Variants in ATE1 observed in about 807,000 individuals in gnomAD.
The protein encoded by ATE1 is arginyl-tRNA--protein transferase 1.
ATE1 carries 36 observed loss-of-function variants against 70.5 expected under a neutral mutation model. That is an observed-to-expected ratio of 0.51 (90% CI 0.39 to 0.67). The LOEUF (loss-of-function observed/expected upper bound fraction) is 0.67, where lower values mean the gene tolerates loss of function less well. Ranked by LOEUF, ATE1 falls within the 30% of genes least tolerant of loss-of-function variation. The probability of loss-of-function intolerance (pLI) is 0.00; values close to 1 mark genes in which losing one functional copy is unlikely to be tolerated. For synonymous variants in ATE1, 232 were observed against 219.3 expected (o/e 1.06, Z -0.51); for missense variants, 593 against 629.5 (o/e 0.94, Z 0.62).
chr10:121,777,569 G>C (rs1590269941), intron 11 of ATE1, among the ~76,000 whole-genome samples: 1 of 152,296 alleles, frequency 6.6e-6, no homozygotes. Context: ...ACCAAATAGT[G>C]ATGCAGGGGG....
intron 7 of ATE1, among the ~76,000 whole-genome samples, chr10:121,881,943 G>A (rs563186660): frequency 3.6e-4 from 55 of 152,096 alleles, no homozygotes; most frequent in African/African-American, 1.0e-3. Context: ...ACAGGTGCAC[G>A]TCGCCAAACC....
chr10:121,845,537 A>G (rs974006176), intron 8 of ATE1, among the ~76,000 whole-genome samples: 6 of 152,194 alleles, frequency 3.9e-5, no homozygotes, highest in African/African-American at 1.4e-4. Flanking sequence ...CTGCTGACCT[A>G]AGCAACTCTG....
intron 11 of ATE1, among the ~76,000 whole-genome samples, chr10:121,757,867 C>T (rs1302944331): frequency 6.6e-6 from 1 of 152,182 alleles, no homozygotes; most frequent in Non-Finnish European, 1.5e-5. Context: ...CCATCATATT[C>T]CCTCATATTT....
At chr10:121,914,787 C>T (rs771896385) in intron 3 of ATE1, among the ~76,000 whole-genome samples, 1 of 152,102 alleles carries the variant, frequency 6.6e-6, no homozygotes, top group Non-Finnish European at 1.5e-5. Flanking sequence ...CTGAAAGCAG[C>T]GGTACTACTG....
At chr10:121,910,387 C>A (rs182347701) in intron 5 of ATE1, among the ~76,000 whole-genome samples, 1 of 151,962 alleles carries the variant, frequency 6.6e-6, no homozygotes, top group African/African-American at 2.4e-5. Context: ...ACTTATTAAG[C>A]CTAATTCTTT....
At chr10:121,881,669 TAAAAA>T (rs11309013) in intron 7 of ATE1, among the ~76,000 whole-genome samples, 1 of 125,604 alleles carries the variant, frequency 8.0e-6, no homozygotes, top group Admixed American at 8.2e-5. Flanking sequence ...TCCTGTCTCT[TAAAAA>T]AAAAAAAAAA....
rs956553228 is a variant in ATE1, at chr10:121,927,890, G to A, written c.60C>T (p.Phe20=). The part of the protein sequence containing the change: ...SVVDYFPSED[F]YRCGYCKNES... ...CGTTCTTGCAGTAGCCGCAGCGGTA[G>A]AAGTCCTCGCTAGGGAAATAGTCCA... Residue 20 remains phenylalanine, a synonymous_variant, in exon 1 of 12, where the codon TTC becomes TTT. Transcript: ENST00000224652. The A allele has an allele frequency of 2.0e-5, 32 of 1,593,072 alleles. No individual in the cohort carries two copies. The highest frequency in any genetic ancestry group is 2.6e-5 in the Non-Finnish European group (31 of 1,172,498).
chr10:121,799,443 A>C (rs1946789584), intron 10 of ATE1, among the ~76,000 whole-genome samples: 2 of 152,120 alleles, frequency 1.3e-5, no homozygotes, highest in Middle Eastern at 6.8e-3. Flanking sequence ...AGGAAAACAA[A>C]AAAAAAAACA....
chr10:121,902,821 T>C (rs1951034722), intron 5 of ATE1, among the ~76,000 whole-genome samples: 1 of 152,122 alleles, frequency 6.6e-6, no homozygotes. Flanking sequence ...CTAGAGAAAG[T>C]AAATAGCACA....
At chr10:121,858,612 C>T (rs961203093) in intron 8 of ATE1, among the ~76,000 whole-genome samples, 2 of 144,944 alleles carry the variant, frequency 1.4e-5, no homozygotes, top group Non-Finnish European at 3.0e-5. Context: ...AAAAGTTTAC[C>T]TACTTTTCCT....
At chr10:121,910,704 G>A (rs1951386750) in intron 5 of ATE1, among the ~76,000 whole-genome samples, 1 of 152,142 alleles carries the variant, frequency 6.6e-6, no homozygotes, top group Admixed American at 6.5e-5. Flanking sequence ...TAAGGCTATT[G>A]TTACAGGCTT....
At chr10:121,844,165 C>T (rs929555984) in intron 8 of ATE1, among the ~76,000 whole-genome samples, 7 of 152,120 alleles carry the variant, frequency 4.6e-5, no homozygotes, top group Non-Finnish European at 8.8e-5. Flanking sequence ...TTTGGGAGGC[C>T]GACGTGGGAG....
rs1944187979 is a variant in ATE1, at chr10:121,742,695, T to C, written c.*985A>G. 1 of 152,174 alleles carries C rather than the reference T, an allele frequency of 6.6e-6. No individual in the cohort carries two copies. Among genetic ancestry groups the C allele is most frequent in the African/African-American group, 2.4e-5 (1 of 41,436 alleles). 9.4% of individuals were successfully genotyped at this position (152,174 alleles called of 1,614,324 possible). A position where few individuals can be genotyped will look rare whatever the true frequency, so the allele number is the denominator to read the frequency against. On this transcript the variant is annotated 3_prime_UTR_variant, in exon 12 of 12. Coordinates refer to ENST00000224652, the MANE Select transcript of ATE1 (RefSeq NM_001001976.3). ...AGCCACCCTGACTGTGACTCTCAAA[T>C]CAAAGGACAAGAAATGGATTGTTCT...
chr10:121,837,758 T>C (rs1254836023), intron 9 of ATE1, among the ~76,000 whole-genome samples: 1 of 152,152 alleles, frequency 6.6e-6, no homozygotes, highest in Non-Finnish European at 1.5e-5. Context: ...GACTAAACAA[T>C]ATTAGCCTAT....
At chr10:121,907,472 TAAAGAA>T (rs1951243238) in intron 5 of ATE1, among the ~76,000 whole-genome samples, 1 of 132,124 alleles carries the variant, frequency 7.6e-6, no homozygotes, top group South Asian at 2.4e-4. Flanking sequence ...CAAAAAAAAA[TAAAGAA>T]AAAGATTAAA....
chr10:121,882,294 A>C (rs764020105), intron 7 of ATE1, among the ~76,000 whole-genome samples: 1 of 152,230 alleles, frequency 6.6e-6, no homozygotes, highest in Non-Finnish European at 1.5e-5. Flanking sequence ...GAAAAACAAA[A>C]CAACCAAGAA....
intron 3 of ATE1, among the ~76,000 whole-genome samples, chr10:121,921,697 G>A (rs1028018196): frequency 3.3e-5 from 5 of 152,164 alleles, no homozygotes; most frequent in South Asian, 4.2e-4. Flanking sequence ...GCTTGGCAAC[G>A]GTCATGTGCA....
At chr10:121,789,588 G>A (rs184296173) in intron 11 of ATE1, among the ~76,000 whole-genome samples, 136 of 152,028 alleles carry the variant, frequency 8.9e-4, no homozygotes, top group African/African-American at 3.1e-3. Context: ...TGTGAGCCAC[G>A]GCACCCAGCC....
intron 11 of ATE1, among the ~76,000 whole-genome samples, chr10:121,772,270 C>A (rs1395980284): frequency 2.0e-5 from 3 of 152,236 alleles, no homozygotes; most frequent in African/African-American, 4.8e-5. Flanking sequence ...CTTTTATCAA[C>A]TTTCTTGTTA....
Sources: gnomAD v4.1 joint callset for allele counts (sites outside exome capture counted in the v4.1 genomes callset) on GRCh38, gnomAD v4.1.1 for gene constraint, MANE v1.5 for transcripts, NCBI Gene and HGNC (gene_info 2026-07-23, HGNC 2026-07-21) for gene names.